PLCB3: variants seen among roughly 807,000 people sequenced by gnomAD.
The protein encoded by PLCB3 is phospholipase C beta 3, also known as 1-phosphatidylinositol 4,5-bisphosphate phosphodiesterase beta-3.
PLCB3 carries 54 observed loss-of-function variants against 152.1 expected under a neutral mutation model. The ratio of observed to expected loss-of-function variants is 0.36; its 90% CI spans 0.29 to 0.45. The LOEUF is 0.45. Among genes scored for constraint, PLCB3 ranks in the 20% least tolerant of loss-of-function variants. PLCB3 has a pLI of 1.00. For synonymous variants in PLCB3, 717 were observed against 698.7 expected, an observed-to-expected ratio of 1.03 and a Z score of -0.41; for missense variants, 1,248 against 1,687.5, an observed-to-expected ratio of 0.74 and a Z score of 4.56.
intron 19 of PLCB3, 61 bp downstream of exon 19, chr11:64,262,869 C>G: frequency 1.3e-6 from 2 of 1,538,186 alleles, no homozygotes; most frequent in Non-Finnish European, 1.8e-6. Context: ...CGCCCCGACT[C>G]TCAGGTGGGA....
At chr11:64,262,330 CTGA>C (rs2031893051) in intron 17 of PLCB3, 74 bp from the exon 18 acceptor site, 7 of 1,545,526 alleles carry the variant, frequency 4.5e-6, no homozygotes, top group Middle Eastern at 1.7e-4. Flanking sequence ...GCCATCTGAC[CTGA>C]TGATCTCCCA....
rs915651305 is a variant in PLCB3, at chr11:64,261,590, A to G, written c.1838A>G (p.Lys613Arg). 3.1e-6 allele frequency: 5 copies of G among 1,614,086 alleles called. No individual in the cohort carries two copies. In the African/African-American group the frequency reaches 4.0e-5, roughly 13 times the overall value. The change falls in exon 16 of 31, where the codon AAA becomes AGA. Residue 613 changes from lysine to arginine, a missense_variant. Transcript: ENST00000279230. ...KSFEAARKRN[K>R]CFEMSSFVET... is the part of the protein sequence containing the mutation. ...TTGGCTCACCCCTAAGAGAGGAACAAATGCTTCGAGATGTCGTCCTTTGTG... is the reference window on the plus strand; with the variant it reads ...TTGGCTCACCCCTAAGAGAGGAACAGATGCTTCGAGATGTCGTCCTTTGTG...
chr11:64,267,403 C>T lies in PLCB3; in HGVS notation c.3552C>T (p.Pro1184=), dbSNP rs2032177833. ...QECQEQRARL[P]QEIRRSLLGE... is the part of the protein sequence containing the mutation. ...GTCAGGAGCAGCGGGCGAGGCTCCC[C>T]CAGGAGATCCGCCGGAGCCTGCTGG... The change falls in exon 31 of 31, where the codon CCC becomes CCT. Residue 1184 remains proline (P), a synonymous_variant. Transcript: ENST00000279230. This position sits in a 1 kb window ranked among gnomAD's most constrained non-coding sequence, Gnocchi z 5.2. 1.9e-6 allele frequency: 3 copies of T among 1,540,870 alleles called. No homozygotes were observed. The highest frequency in any genetic ancestry group is 2.6e-6 in the Non-Finnish European group (3 of 1,142,208).
At chr11:64,254,097 G>C (rs1335820688) in intron 1 of PLCB3, among the ~76,000 whole-genome samples, 1 of 152,292 alleles carries the variant, frequency 6.6e-6, no homozygotes, top group Middle Eastern at 3.4e-3. Flanking sequence ...CAGATTTCAC[G>C]GGTGGAGAAG....
In PLCB3 at chr11:64,255,631, G is replaced by A; in HGVS notation, c.597+15G>A. 8.3e-6 allele frequency: 5 copies of A among 604,040 alleles called. No homozygotes were observed. Among genetic ancestry groups the A allele is most frequent in the Non-Finnish European group, 1.6e-5 (5 of 321,540 alleles). The allele number at this position is 604,040 out of a possible 1,614,324, so 37.4% of individuals were successfully genotyped here. ...AATTCAACCGGGTGTGTGGGGTGGG[G>A]ACAGGGGCGGGGTGGGGTGTCACGG... On this transcript the variant is annotated intron_variant, in intron 7 of 30. Coordinates refer to ENST00000279230, the MANE Select transcript of PLCB3 (RefSeq NM_000932.5). This position sits in a 1 kb window ranked among gnomAD's most constrained non-coding sequence, Gnocchi z 6.8.
Position 64,258,397 on chromosome 11 carries a change from C to G in PLCB3, c.1013-76C>G. ...GAGCCCTCTGCAAATCCAGCATGTC[C>G]TGGTTCCAGGTGGGGCCGGGGTGGT... On this transcript the variant is annotated intron_variant, in intron 10 of 30. Transcript: ENST00000279230. The surrounding 1 kb of genome is among the most constrained non-coding windows in gnomAD (Gnocchi z 7.2). 2.0e-6 allele frequency: 3 copies of G among 1,532,868 alleles called. No individual in the cohort carries two copies. Among genetic ancestry groups the G allele is most frequent in the Non-Finnish European group, 2.6e-6 (3 of 1,136,046 alleles). 95.0% of individuals were successfully genotyped at this position (1,532,868 alleles called of 1,614,324 possible). A position where few individuals can be genotyped will look rare whatever the true frequency, so the allele number is the denominator to read the frequency against.
chr11:64,265,058 C>G lies in PLCB3; in HGVS notation c.2760C>G (p.Pro920=). ...CACTGGATGCCTCCCCCCGCCGGCC[C>G]CCTGGCCCCACCACCTCCCCTGCCA... ...PSPLDASPRR[P]PGPTTSPAST... The change falls in exon 23 of 31, where the codon CCC becomes CCG. Residue 920 remains proline, a synonymous_variant. Coordinates refer to ENST00000279230, the MANE Select transcript of PLCB3 (RefSeq NM_000932.5). 8 of 1,542,464 alleles carry G rather than the reference C, an allele frequency of 5.2e-6. No homozygotes were observed. The highest frequency in any genetic ancestry group is 7.0e-6 in the Non-Finnish European group (8 of 1,140,508).
chr11:64,260,422 T>A (rs1247673878), intron 14 of PLCB3, among the ~76,000 whole-genome samples, 188 bp downstream of exon 14: 1 of 152,060 alleles, frequency 6.6e-6, no homozygotes, highest in Non-Finnish European at 1.5e-5. Flanking sequence ...GCTGGTGATG[T>A]GGCCTGGGAG....
At chr11:64,264,891 G>A (rs1286643780) in intron 22 of PLCB3, 60 bp from the exon 23 acceptor site, 1 of 1,567,692 alleles carries the variant, frequency 6.4e-7, no homozygotes, top group Non-Finnish European at 8.8e-7. Flanking sequence ...GGTGGTAGAG[G>A]ACAGAAGGGT....
At chr11:64,256,796 C>T (rs1242388106) in intron 10 of PLCB3, 32 bp downstream of exon 10, 1 of 1,607,508 alleles carries the variant, frequency 6.2e-7, no homozygotes, top group Non-Finnish European at 8.5e-7. Flanking sequence ...CACCCGTGAC[C>T]TCTGCCCTGT....
chr11:64,256,634 G>GGAA lies in PLCB3; in HGVS notation c.883_884insAAG (p.Glu294dup). On this transcript the variant is annotated inframe_insertion, in exon 10 of 31. Transcript: ENST00000279230. ...CCACCCCAGACCAGATGTCCATGGA[G>GGAA]GGCTTTAGCCGCTACCTGGGAGGCG... The GGAA allele has an allele frequency of 6.2e-7, 1 of 1,614,172 alleles. No individual in the cohort carries two copies. The highest frequency in any genetic ancestry group is 8.5e-7 in the Non-Finnish European group (1 of 1,180,026).
intron 13 of PLCB3, 139 bp from the exon 14 acceptor site, chr11:64,259,889 CT>C: frequency 1.4e-6 from 1 of 699,026 alleles, no homozygotes; most frequent in Non-Finnish European, 2.4e-6. Flanking sequence ...CTCTTGGCCT[CT>C]CCCCAAGCCA....
chr11:64,267,439 G>C lies in PLCB3; in HGVS notation c.3588G>C (p.Pro1196=), dbSNP rs28395877. ...EIRRSLLGEM[P]EGLGDGPLVA... ...GCCGGAGCCTGCTGGGCGAGATGCC[G>C]GAGGGGCTGGGGGACGGGCCTCTGG... The change falls in exon 31 of 31, where the codon CCG becomes CCC. Residue 1196 remains proline, a synonymous_variant. Transcript: ENST00000279230. This position sits in a 1 kb window ranked among gnomAD's most constrained non-coding sequence, Gnocchi z 5.2. The C allele has an allele frequency of 3.2e-6, 5 of 1,549,484 alleles. No individual in the cohort carries two copies. Among genetic ancestry groups the C allele is most frequent in the Non-Finnish European group, 4.4e-6 (5 of 1,149,280 alleles).
chr11:64,254,739 T>TC lies in PLCB3; in HGVS notation c.178-3dup. On this transcript the variant is annotated splice_polypyrimidine_tract_variant and intron_variant, in intron 2 of 30. Coordinates refer to ENST00000279230, the MANE Select transcript of PLCB3 (RefSeq NM_000932.5). ...TCTCATACTCAGCCTGGCATCTGGT[T>TC]CCCCCCAGGAGGTGGACACACTGGA... 1 of 1,611,920 alleles carries TC rather than the reference T, an allele frequency of 6.2e-7. No individual in the cohort carries two copies. The highest frequency in any genetic ancestry group is 8.5e-7 in the Non-Finnish European group (1 of 1,179,614).
rs2032127338 is a variant in PLCB3 at position 64,266,434 on chromosome 11, G to A, written c.3356+30G>A. The A allele has an allele frequency of 6.2e-7, 1 of 1,601,062 alleles. No individual in the cohort carries two copies. The highest frequency in any genetic ancestry group is 1.3e-5 in the African/African-American group (1 of 74,552). On this transcript the variant is annotated intron_variant, in intron 28 of 30. Transcript: ENST00000279230. This position sits in a 1 kb window ranked among gnomAD's most constrained non-coding sequence, Gnocchi z 4.9. ...GGGCACCGGGACCGGGGGCCATCTG[G>A]GTACTGGGGAGGCAGGGCAGGTGTC... is the stretch of plus-strand genomic sequence containing the variant.
chr11:64,266,528 T>C lies in PLCB3; in HGVS notation c.3390T>C (p.Thr1130=). The C allele has an allele frequency of 6.2e-7, 1 of 1,613,896 alleles. No homozygotes were observed. Among genetic ancestry groups the C allele is most frequent in the South Asian group, 1.1e-5 (1 of 91,068 alleles). Residue 1130 remains threonine (T), a synonymous_variant, in exon 29 of 31, where the codon ACT becomes ACC. Transcript: ENST00000279230. The surrounding 1 kb of genome is among the most constrained non-coding windows in gnomAD (Gnocchi z 4.9). Reference sequence around the variant, plus strand: ...CGGAGATTAACCGTCGGCACATCACTGAGTCAGTCAACTCCATCCGTCGGG... The same window carrying C: ...CGGAGATTAACCGTCGGCACATCACCGAGTCAGTCAACTCCATCCGTCGGG... ...ELTEINRRHI[T]ESVNSIRRLE...
chr11:64,262,706 G>A lies in PLCB3; in HGVS notation c.2253G>A (p.Met751Ile). The A allele has an allele frequency of 1.2e-6, 2 of 1,613,992 alleles. No individual in the cohort carries two copies. The highest frequency in any genetic ancestry group is 8.5e-7 in the Non-Finnish European group (1 of 1,180,024). ...RKVGIYVEVD[M>I]FGLPVDTRRK... is the part of the protein sequence containing the mutation. ...TGGGCATCTACGTGGAGGTGGACATGTTTGGCCTCCCTGTTGATACGCGGC... is the reference window on the plus strand; with the variant it reads ...TGGGCATCTACGTGGAGGTGGACATATTTGGCCTCCCTGTTGATACGCGGC... The change falls in exon 19 of 31, where the codon ATG (methionine) becomes ATA (isoleucine). Residue 751 changes from methionine to isoleucine, a missense_variant. Coordinates refer to ENST00000279230, the MANE Select transcript of PLCB3 (RefSeq NM_000932.5).
In PLCB3 at chr11:64,259,288, C is replaced by T. The variant is rs1338608914; in HGVS notation, c.1525+44C>T. On this transcript the variant is annotated intron_variant, in intron 13 of 30. Transcript: ENST00000279230. ...CGCCACCCTGACTTGACCCTAGCCT[C>T]TGGCCTCATGCTCCAGGCGCCGTGA... 8 of 1,400,472 alleles carry T rather than the reference C, an allele frequency of 5.7e-6. No individual in the cohort carries two copies. In the East Asian group the frequency reaches 1.5e-4, roughly 26 times the overall value. 86.8% of individuals were successfully genotyped at this position (1,400,472 alleles called of 1,614,324 possible).
intron 17 of PLCB3, among the ~76,000 whole-genome samples, 154 bp from the exon 18 acceptor site, chr11:64,262,251 CCT>C (rs2031889503): frequency 6.6e-6 from 1 of 152,184 alleles, no homozygotes; most frequent in African/African-American, 2.4e-5. Flanking sequence ...AGACCCCTCC[CCT>C]GTCTGATCTG....
Sources: allele counts gnomAD v4.1 joint callset (sites outside exome capture counted in the v4.1 genomes callset), GRCh38; gene constraint gnomAD v4.1.1; non-coding constraint Gnocchi (gnomAD v3.1); transcripts MANE v1.5; gene names NCBI Gene and HGNC (gene_info 2026-07-23, HGNC 2026-07-21).